Variants in CLNK observed in about 807,000 individuals in gnomAD.
CLNK encodes the protein cytokine-dependent hematopoietic cell linker.
CLNK carries 74 observed loss-of-function variants against 68.6 expected under a neutral mutation model. That is an observed-to-expected ratio of 1.08 (90% CI 0.89 to 1.31). The LOEUF (loss-of-function observed/expected upper bound fraction) is 1.31, where lower values mean the gene tolerates loss of function less well. CLNK is among the 50% of genes most tolerant of loss of function. The pLI, the probability that CLNK is intolerant of heterozygous loss-of-function variation, is 0.00. For synonymous variants in CLNK, 198 were observed against 172.2 expected (o/e 1.15, Z -1.17); for missense variants, 553 against 515.3 (o/e 1.07, Z -0.71).
chr4:10,666,255 A>C (rs559882367), intron 2 of CLNK, among the ~76,000 whole-genome samples: 2 of 152,224 alleles, frequency 1.3e-5, no homozygotes, highest in Admixed American at 1.3e-4. Context: ...GAATCCATGC[A>C]GGTGGTGGTA....
At chr4:10,730,512 T>G in the CLNK span, among the ~76,000 whole-genome samples, 1 of 152,202 alleles carries the variant, frequency 6.6e-6, no homozygotes, top group African/African-American at 2.4e-5. Context: ...TGAATACATT[T>G]CTGGGTGGCT....
At chr4:10,699,308 T>C in the CLNK span, among the ~76,000 whole-genome samples, 1 of 74,716 alleles carries the variant, frequency 1.3e-5, no homozygotes, top group African/African-American at 5.6e-5. Context: ...ACACACCACA[T>C]ACGTGTATAC....
At chr4:10,625,953 T>C (rs1156483027) in intron 2 of CLNK, among the ~76,000 whole-genome samples, 1 of 152,216 alleles carries the variant, frequency 6.6e-6, no homozygotes, top group African/African-American at 2.4e-5. Flanking sequence ...GCACATTCAT[T>C]TCAACCGTTC....
At chr4:10,595,284 C>A (rs922295598) in intron 3 of CLNK, among the ~76,000 whole-genome samples, 1 of 152,122 alleles carries the variant, frequency 6.6e-6, no homozygotes, top group Non-Finnish European at 1.5e-5. Context: ...TGGTGAAGAC[C>A]GAATGCCAAG....
intron 2 of CLNK, among the ~76,000 whole-genome samples, chr4:10,648,571 C>A (rs1723603373): frequency 6.6e-6 from 1 of 152,134 alleles, no homozygotes; most frequent in African/African-American, 2.4e-5. Context: ...CAAGCATGGT[C>A]ATATGAAAGA....
the CLNK span, among the ~76,000 whole-genome samples, chr4:10,728,604 CTTTT>C: frequency 5.7e-4 from 20 of 34,790 alleles, no homozygotes; most frequent in South Asian, 1.3e-3. Flanking sequence ...TTCTTTCTTT[CTTTT>C]TTTTTTTTTT....
intron 7 of CLNK, among the ~76,000 whole-genome samples, chr4:10,564,195 T>C (rs965032946): frequency 6.6e-6 from 1 of 151,644 alleles, no homozygotes; most frequent in African/African-American, 2.4e-5. Context: ...CCAAACAGCA[T>C]TTTGAAATAA....
chr4:10,581,350 C>A (rs993566258), intron 4 of CLNK, among the ~76,000 whole-genome samples: 1 of 152,260 alleles, frequency 6.6e-6, no homozygotes, highest in Admixed American at 6.5e-5. Context: ...TACATACACA[C>A]ACACACACAT....
chr4:10,589,343 G>T, intron 3 of CLNK, among the ~76,000 whole-genome samples: 1 of 152,114 alleles, frequency 6.6e-6, no homozygotes, highest in East Asian at 1.9e-4. Context: ...AACGTAGACC[G>T]CAGAGTTCTC....
At chr4:10,519,509 A>G (rs1717973634) in intron 15 of CLNK, among the ~76,000 whole-genome samples, 1 of 152,098 alleles carries the variant, frequency 6.6e-6, no homozygotes, top group Non-Finnish European at 1.5e-5. Context: ...CCCATTCCTG[A>G]CATTTGATGA....
intron 2 of CLNK, among the ~76,000 whole-genome samples, chr4:10,614,349 G>T (rs1202353556): frequency 6.6e-6 from 1 of 152,104 alleles, no homozygotes; most frequent in Non-Finnish European, 1.5e-5. Flanking sequence ...ATAGAGCCCT[G>T]GTTCCCTTAA....
At chr4:10,647,220 T>C (rs1191189050) in intron 2 of CLNK, among the ~76,000 whole-genome samples, 1 of 152,188 alleles carries the variant, frequency 6.6e-6, no homozygotes, top group Non-Finnish European at 1.5e-5. Context: ...TATCAAGAGA[T>C]CATTCATTTT....
rs1260816137 is a variant in CLNK at position 10,513,482 on chromosome 4, G to C, written c.888C>G (p.Pro296=). ...TGCTTACCTTTCTATCAGACCTTTT[G>C]GGGAAAGGTGGTCTCCAGCTTGTGT... ...YKYTSWRPPF[P]KRSDRKDVQH... is the part of the protein sequence containing the mutation. The change falls in exon 16 of 19, where the codon CCC becomes CCG. Residue 296 remains proline (P), a synonymous_variant. Transcript: ENST00000226951. 2 of 1,611,332 alleles carry C rather than the reference G, an allele frequency of 1.2e-6. No individual in the cohort carries two copies. Among genetic ancestry groups the C allele is most frequent in the Non-Finnish European group, 1.7e-6 (2 of 1,178,822 alleles).
chr4:10,593,387 G>T (rs985023041), intron 3 of CLNK, among the ~76,000 whole-genome samples: 4 of 152,148 alleles, frequency 2.6e-5, no homozygotes, highest in African/African-American at 9.7e-5. Flanking sequence ...GGGCACGGTG[G>T]CTCATGCCTG....
rs1718979173 is a variant in CLNK at position 10,540,703 on chromosome 4, T to A, written c.492-99A>T. On this transcript the variant is annotated intron_variant, in intron 10 of 18. Coordinates refer to ENST00000226951, the MANE Select transcript of CLNK (RefSeq NM_052964.4). ...TGCTCTGCCCTCCGTGTCCCCAGCT[T>A]TGGGTTGAAAATGCTAGTTTTTGGA... The A allele has an allele frequency of 3.0e-5, 24 of 813,336 alleles. 1 individual carries two copies. In the South Asian group the frequency reaches 3.6e-4, roughly 12 times the overall value. The allele number at this position is 813,336 out of a possible 1,614,324, so 50.4% of individuals were successfully genotyped here. A position where few individuals can be genotyped will look rare whatever the true frequency, so the allele number is the denominator to read the frequency against.
chr4:10,526,882 G>C (rs544153826), intron 13 of CLNK, among the ~76,000 whole-genome samples: 30 of 152,222 alleles, frequency 2.0e-4, no homozygotes, highest in Non-Finnish European at 3.7e-4. Flanking sequence ...ATAATACTAT[G>C]ATATAAAATC....
At chr4:10,510,270 C>T (rs1334769544) in intron 16 of CLNK, among the ~76,000 whole-genome samples, 1 of 152,076 alleles carries the variant, frequency 6.6e-6, no homozygotes, top group Non-Finnish European at 1.5e-5. Flanking sequence ...TTTCTAGCCC[C>T]CCTGAATAAT....
chr4:10,632,674 ACTTTCT>A (rs577857090), intron 2 of CLNK, among the ~76,000 whole-genome samples: 116 of 152,310 alleles, frequency 7.6e-4, no homozygotes, highest in African/African-American at 2.5e-3. Flanking sequence ...AACACAACAG[ACTTTCT>A]CTTTGTCTTC....
the CLNK span, among the ~76,000 whole-genome samples, chr4:10,698,158 A>G: frequency 2.6e-5 from 4 of 152,170 alleles, no homozygotes; most frequent in African/African-American, 4.8e-5. Context: ...CTATATAGTC[A>G]TGTGTCTGTA....
Sources: allele counts gnomAD v4.1 joint callset (sites outside exome capture counted in the v4.1 genomes callset), GRCh38; gene constraint gnomAD v4.1.1; transcripts MANE v1.5; gene names NCBI Gene and HGNC (gene_info 2026-07-23, HGNC 2026-07-21).